The following CNIH3 variants were observed in gnomAD, a reference collection of about 807,000 sequenced individuals.
CNIH3 encodes the protein protein cornichon homolog 3.
Under a neutral mutation model 24.1 loss-of-function variants are expected in CNIH3, and 14 were observed. The observed-to-expected ratio is 0.58, with a 90% CI of 0.38 to 0.91. The LOEUF is 0.91. CNIH3 is among the 40% of genes least tolerant of loss of function. The pLI, the probability that CNIH3 is intolerant of heterozygous loss-of-function variation, is 0.00. For synonymous variants in CNIH3, 68 were observed against 73.8 expected (o/e 0.92, Z 0.40); for missense variants, 178 against 196.8 (o/e 0.90, Z 0.57).
intron 1 of CNIH3, among the ~76,000 whole-genome samples, chr1:224,507,373 T>G (rs1373200447): frequency 6.6e-6 from 1 of 152,186 alleles, no homozygotes; most frequent in African/African-American, 2.4e-5. Context: ...TGCCTCAGTT[T>G]TCTCATTTGT....
At chr1:224,641,038 C>T (rs1684333035) in intron 1 of CNIH3, among the ~76,000 whole-genome samples, 1 of 152,214 alleles carries the variant, frequency 6.6e-6, no homozygotes, top group African/African-American at 2.4e-5. Flanking sequence ...CTTCTGTGAT[C>T]AGGCAAGTGC....
Position 224,735,503 on chromosome 1 carries a change from C to T in CNIH3, c.455+797C>T, listed in dbSNP as rs146601696. On this transcript the variant is annotated intron_variant, in intron 5 of 5. Transcript: ENST00000272133. ...CAGGGCCATGGTGATCTCCAAACCT[C>T]CCGGTGATGTCTCCAAAAGGGCATG... 2.6e-4 allele frequency among the ~76,000 whole-genome samples: 40 copies of T among 152,248 alleles called. 2 individuals carry two copies. The East Asian group carries it at 6.2e-3, about 24-fold the overall frequency.
At chr1:224,435,415 G>A (rs1674608026) in intron 1 of CNIH3, among the ~76,000 whole-genome samples, 1 of 152,226 alleles carries the variant, frequency 6.6e-6, no homozygotes, top group African/African-American at 2.4e-5. Context: ...GCTCCACCCT[G>A]GGAAGGGGAG....
In CNIH3 at chr1:224,436,804, A is replaced by C. The variant is rs575591323; in HGVS notation, n.203+1942A>C. ...CACATTACCTACAGAATAAAATCCAAATTCTGTCTTGCTCACCACAGGTTG... is the reference window on the plus strand; with the variant it reads ...CACATTACCTACAGAATAAAATCCACATTCTGTCTTGCTCACCACAGGTTG... On this transcript the variant is annotated intron_variant and non_coding_transcript_variant, in intron 1 of 5. Coordinates refer to the CNIH3 transcript ENST00000471578. 3.3e-5 allele frequency: 5 copies of C among 152,280 alleles called. No individual in the cohort carries two copies. In the East Asian group the frequency reaches 7.7e-4, roughly 23 times the overall value. The allele number at this position is 152,280 out of a possible 1,614,324, so 9.4% of individuals were successfully genotyped here. A position where few individuals can be genotyped will look rare whatever the true frequency, so the allele number is the denominator to read the frequency against.
chr1:224,571,743 A>C (rs1169888818), intron 4 of CNIH3, among the ~76,000 whole-genome samples: 1 of 152,032 alleles, frequency 6.6e-6, no homozygotes, highest in Non-Finnish European at 1.5e-5. Flanking sequence ...ACAAAGAAAA[A>C]AACCCCAAGC....
intron 3 of CNIH3, among the ~76,000 whole-genome samples, chr1:224,702,731 G>C (rs1394172741): frequency 6.6e-6 from 1 of 152,226 alleles, no homozygotes; most frequent in Non-Finnish European, 1.5e-5. Flanking sequence ...AGGGGGCACA[G>C]ACCGTGGTGT....
intron 5 of CNIH3, among the ~76,000 whole-genome samples, chr1:224,584,274 A>C (rs12046431): frequency 0.16 from 24,565 of 152,206 alleles, 2,392 homozygotes; most frequent in African/African-American, 0.26. Flanking sequence ...TTTCTATTGC[A>C]TAGAGAAGTA....
intron 1 of CNIH3, among the ~76,000 whole-genome samples, chr1:224,487,650 A>G (rs2124837608): frequency 6.6e-6 from 1 of 152,386 alleles, no homozygotes; most frequent in South Asian, 2.1e-4. Context: ...TGAAAATTGT[A>G]TAGAAGAAGC....
chr1:224,701,820 A>G (rs754999909), intron 3 of CNIH3, among the ~76,000 whole-genome samples: 4 of 152,200 alleles, frequency 2.6e-5, no homozygotes, highest in Non-Finnish European at 1.5e-5. Flanking sequence ...AGTACATGCA[A>G]AGCTGGGGTT....
chr1:224,504,987 T>C (rs1327020816), intron 1 of CNIH3, among the ~76,000 whole-genome samples: 1 of 146,184 alleles, frequency 6.8e-6, no homozygotes, highest in African/African-American at 2.5e-5. Flanking sequence ...TCTTTATTAT[T>C]TTCCCTTTCC....
chr1:224,550,053 A>T (rs937862735), intron 3 of CNIH3, among the ~76,000 whole-genome samples: 2 of 152,156 alleles, frequency 1.3e-5, no homozygotes, highest in African/African-American at 2.4e-5. Context: ...TGATATTTCT[A>T]TAATATCTAC....
At chr1:224,457,934 C>T (rs775422528) in intron 1 of CNIH3, among the ~76,000 whole-genome samples, 1 of 152,132 alleles carries the variant, frequency 6.6e-6, no homozygotes, top group Admixed American at 6.5e-5. Flanking sequence ...ACATGGTGGT[C>T]CCTAGAGAGT....
At chr1:224,708,384 C>G (rs1687938308) in intron 3 of CNIH3, among the ~76,000 whole-genome samples, 1 of 152,198 alleles carries the variant, frequency 6.6e-6, no homozygotes, top group Non-Finnish European at 1.5e-5. Flanking sequence ...TCTTAAAACA[C>G]ATTTCGTCTT....
chr1:224,528,734 A>G (rs1558132735), intron 2 of CNIH3, among the ~76,000 whole-genome samples: 1 of 152,194 alleles, frequency 6.6e-6, no homozygotes, highest in Non-Finnish European at 1.5e-5. Flanking sequence ...TTTCTACATG[A>G]TTATATTTTA....
At chr1:224,496,096 G>C (rs192854541) in intron 1 of CNIH3, among the ~76,000 whole-genome samples, 1 of 152,192 alleles carries the variant, frequency 6.6e-6, no homozygotes, top group Non-Finnish European at 1.5e-5. Context: ...CCAGCTGCAC[G>C]AGTCTGTTGT....
At chr1:224,692,902 G>A (rs910579619) in intron 3 of CNIH3, among the ~76,000 whole-genome samples, 4 of 152,294 alleles carry the variant, frequency 2.6e-5, no homozygotes, top group South Asian at 2.1e-4. Context: ...GGGAAGCTAC[G>A]GATACCGAAA....
chr1:224,625,010 A>G (rs892029070), intron 1 of CNIH3, among the ~76,000 whole-genome samples: 11 of 152,210 alleles, frequency 7.2e-5, no homozygotes, highest in Non-Finnish European at 1.6e-4. Flanking sequence ...ACCTGTCCCC[A>G]GGTCTGAGTC....
intron 1 of CNIH3, among the ~76,000 whole-genome samples, chr1:224,462,330 A>G (rs1056036860): frequency 2.6e-5 from 4 of 152,014 alleles, no homozygotes; most frequent in African/African-American, 9.7e-5. Flanking sequence ...AAATCCTGTT[A>G]TGTTTAAATT....
intron 3 of CNIH3, among the ~76,000 whole-genome samples, chr1:224,691,931 C>T (rs1380448578): frequency 6.6e-6 from 1 of 152,152 alleles, no homozygotes; most frequent in Admixed American, 6.5e-5. Context: ...TAAGTGGGGG[C>T]TACTAAGTAC....
Sources: gnomAD v4.1 joint callset for allele counts (sites outside exome capture counted in the v4.1 genomes callset) on GRCh38, gnomAD v4.1.1 for gene constraint, MANE v1.5 for transcripts, NCBI Gene and HGNC (gene_info 2026-07-23, HGNC 2026-07-21) for gene names.